Variants in RXRA observed in about 807,000 individuals in gnomAD.
RXRA encodes the protein retinoic acid receptor RXR-alpha.
In RXRA, 5 loss-of-function variants were observed where a neutral mutation model predicts 44.5. The ratio of observed to expected loss-of-function variants is 0.11; its 90% CI spans 0.06 to 0.24. The LOEUF (loss-of-function observed/expected upper bound fraction) is 0.24, where lower values mean the gene tolerates loss of function less well. Ranked by LOEUF, RXRA falls within the 10% of genes least tolerant of loss-of-function variation. RXRA has a pLI of 1.00. For missense variants in RXRA, 412 were observed against 646.5 expected (o/e 0.64, Z 3.93); for synonymous variants, 291 against 271.4 (o/e 1.07, Z -0.71).
At chr9:134,362,985 T>C (rs1830370928) in intron 1 of RXRA, among the ~76,000 whole-genome samples, 1 of 152,238 alleles carries the variant, frequency 6.6e-6, no homozygotes, top group African/African-American at 2.4e-5. Context: ...GGGCAAATCC[T>C]TGCTCTTGTT....
intron 6 of RXRA, chr9:134,425,817 G>A: frequency 4.1e-6 from 4 of 985,374 alleles, no homozygotes; most frequent in Non-Finnish European, 4.8e-6. Flanking sequence ...TGACTCTGGG[G>A]GGGCCCTGCC....
chr9:134,369,971 G>A (rs1034710427), intron 1 of RXRA, among the ~76,000 whole-genome samples: 9 of 152,180 alleles, frequency 5.9e-5, no homozygotes, highest in Non-Finnish European at 1.2e-4. Flanking sequence ...CCAGTGGGAT[G>A]AGCAGGGTGT....
At chr9:134,351,443 A>G (rs991851293) in intron 1 of RXRA, among the ~76,000 whole-genome samples, 1 of 152,196 alleles carries the variant, frequency 6.6e-6, no homozygotes, top group African/African-American at 2.4e-5. Context: ...TCCTCCAGAC[A>G]GTCCTGACCC....
At chr9:134,358,851 G>C (rs1321317889) in intron 1 of RXRA, among the ~76,000 whole-genome samples, 2 of 152,178 alleles carry the variant, frequency 1.3e-5, no homozygotes, top group Non-Finnish European at 2.9e-5. Context: ...GGGTGGTGAG[G>C]GCTGTGGGCA....
At chr9:134,435,878 T>C (rs542168180) in intron 9 of RXRA, among the ~76,000 whole-genome samples, 1 of 152,338 alleles carries the variant, frequency 6.6e-6, no homozygotes, top group Admixed American at 6.5e-5. Context: ...CAGTTTTTCA[T>C]TTTTTGAGAG....
intron 1 of RXRA, among the ~76,000 whole-genome samples, chr9:134,374,473 G>A (rs894650401): frequency 6.6e-6 from 1 of 152,218 alleles, no homozygotes; most frequent in Non-Finnish European, 1.5e-5. Flanking sequence ...CTGGTCGCTG[G>A]TCACAGGGAT....
At chr9:134,344,519 G>A (rs1298198247) in intron 1 of RXRA, among the ~76,000 whole-genome samples, 1 of 152,182 alleles carries the variant, frequency 6.6e-6, no homozygotes, top group Non-Finnish European at 1.5e-5. Context: ...GGTGGAAGTG[G>A]AGTCCTTGGT....
At chr9:134,432,532 C>T (rs1423901746) in intron 8 of RXRA, among the ~76,000 whole-genome samples, 1 of 152,240 alleles carries the variant, frequency 6.6e-6, no homozygotes, top group East Asian at 1.9e-4. Flanking sequence ...GCCGACAGTG[C>T]GGCCCTTCTC....
At chr9:134,409,372 C>T (rs891787308) in intron 4 of RXRA, among the ~76,000 whole-genome samples, 3 of 152,160 alleles carry the variant, frequency 2.0e-5, no homozygotes, top group Admixed American at 6.5e-5. Context: ...TCAAGGAGAC[C>T]CTCAGGTGGC....
chr9:134,381,355 G>A (rs967648235), intron 1 of RXRA, among the ~76,000 whole-genome samples: 5 of 152,152 alleles, frequency 3.3e-5, no homozygotes, highest in African/African-American at 7.2e-5. Flanking sequence ...AGTGCTGACC[G>A]CGCTGGGGCA....
At chr9:134,386,201 C>T (rs1830717326) in intron 1 of RXRA, among the ~76,000 whole-genome samples, 1 of 152,266 alleles carries the variant, frequency 6.6e-6, no homozygotes, top group Non-Finnish European at 1.5e-5. Context: ...CCTCAGGCCC[C>T]TTCCTGCCCG....
chr9:134,362,120 C>T (rs1029031631), intron 1 of RXRA, among the ~76,000 whole-genome samples: 12 of 152,280 alleles, frequency 7.9e-5, no homozygotes, highest in East Asian at 1.9e-4. Flanking sequence ...TGGCTCTGCC[C>T]GCCCTGGGCC....
chr9:134,336,193 C>A (rs1830003317), intron 1 of RXRA, among the ~76,000 whole-genome samples: 3 of 152,202 alleles, frequency 2.0e-5, no homozygotes, highest in Admixed American at 2.0e-4. Context: ...CATCCCGGGC[C>A]CAGTGGAGGG....
chr9:134,354,144 C>T (rs1830255252), intron 1 of RXRA, among the ~76,000 whole-genome samples: 3 of 152,176 alleles, frequency 2.0e-5, no homozygotes, highest in Non-Finnish European at 1.5e-5. Context: ...GATGGGGTGC[C>T]TGGGTCCCAG....
intron 1 of RXRA, among the ~76,000 whole-genome samples, chr9:134,335,978 C>A (rs1370431385): frequency 6.6e-6 from 1 of 152,214 alleles, no homozygotes; most frequent in Non-Finnish European, 1.5e-5. Context: ...CGCCCTCTCC[C>A]CACCCGGAGG....
At chr9:134,419,286 A>G (rs1831288961) in intron 5 of RXRA, among the ~76,000 whole-genome samples, 1 of 152,194 alleles carries the variant, frequency 6.6e-6, no homozygotes, top group Non-Finnish European at 1.5e-5. Flanking sequence ...AGGGCTGCCA[A>G]GTTTTTATTT....
At chr9:134,404,218 G>A (rs936408646) in intron 2 of RXRA, 1 of 152,278 alleles carries the variant, frequency 6.6e-6, no homozygotes, top group Non-Finnish European at 1.5e-5. Context: ...TCTGCCAAAT[G>A]CTGCCTTCTG....
chr9:134,385,526 C>T (rs1830706408), intron 1 of RXRA, among the ~76,000 whole-genome samples: 1 of 152,234 alleles, frequency 6.6e-6, no homozygotes, highest in African/African-American at 2.4e-5. Context: ...CCCCACGCCC[C>T]CACAGGACGC....
intron 1 of RXRA, among the ~76,000 whole-genome samples, chr9:134,399,256 C>G (rs1369029945): frequency 6.6e-6 from 1 of 152,206 alleles, no homozygotes; most frequent in Non-Finnish European, 1.5e-5. Flanking sequence ...GCATGGTTGC[C>G]TGGCCTAGGG....
Sources: gnomAD v4.1 joint callset for allele counts (sites outside exome capture counted in the v4.1 genomes callset) on GRCh38, gnomAD v4.1.1 for gene constraint, MANE v1.5 for transcripts, NCBI Gene and HGNC (gene_info 2026-07-23, HGNC 2026-07-21) for gene names.